Variants in SRGAP2 observed in about 807,000 individuals in gnomAD.
The protein encoded by SRGAP2 is SLIT-ROBO Rho GTPase activating protein 2.
SRGAP2 carries 15 observed loss-of-function variants against 57.2 expected under a neutral mutation model. The observed-to-expected ratio is 0.26, with a 90% CI of 0.18 to 0.40. The LOEUF (loss-of-function observed/expected upper bound fraction) is 0.40, where lower values mean the gene tolerates loss of function less well. SRGAP2 is among the 10% of genes least tolerant of loss of function. The pLI, the probability that SRGAP2 is intolerant of heterozygous loss-of-function variation, is 1.00. For synonymous variants in SRGAP2, 249 were observed against 248.0 expected, an observed-to-expected ratio of 1.00 and a Z score of -0.04; for missense variants, 520 against 669.6, an observed-to-expected ratio of 0.78 and a Z score of 2.47.
intron 2 of SRGAP2, among the ~76,000 whole-genome samples, chr1:206,269,106 TGTG>T (rs1670054297): frequency 6.7e-6 from 1 of 149,910 alleles, no homozygotes; most frequent in Non-Finnish European, 1.5e-5. Flanking sequence ...ATAAACAAAG[TGTG>T]GTGTATTCGT....
At chr1:206,410,104 A>G (rs919843359) in intron 10 of SRGAP2, among the ~76,000 whole-genome samples, 1 of 152,190 alleles carries the variant, frequency 6.6e-6, no homozygotes, top group Admixed American at 6.5e-5. Flanking sequence ...CTCCATCTCA[A>G]TCGATCAATC....
chr1:206,258,169 G>C (rs1333928809), intron 2 of SRGAP2, among the ~76,000 whole-genome samples: 15 of 150,966 alleles, frequency 9.9e-5, no homozygotes, highest in African/African-American at 3.6e-4. Context: ...TCAGGGGTCA[G>C]CAAACTACAG....
chr1:206,398,711 G>A (rs1461285519), intron 7 of SRGAP2, among the ~76,000 whole-genome samples: 1 of 152,084 alleles, frequency 6.6e-6, no homozygotes, highest in East Asian at 1.9e-4. Context: ...TAGTCTGGTT[G>A]GGGTGATATG....
chr1:206,431,683 G>A (rs1661287768), intron 14 of SRGAP2, among the ~76,000 whole-genome samples: 2 of 152,226 alleles, frequency 1.3e-5, no homozygotes, highest in Non-Finnish European at 2.9e-5. Context: ...ATAAGCAAAT[G>A]ACCAATTGAT....
At chr1:206,386,981 C>T (rs1293457983) in intron 5 of SRGAP2, among the ~76,000 whole-genome samples, 1 of 150,652 alleles carries the variant, frequency 6.6e-6, no homozygotes, top group Non-Finnish European at 1.5e-5. Context: ...TAAAAACTAG[C>T]CAGGCATGGT....
intron 2 of SRGAP2, among the ~76,000 whole-genome samples, chr1:206,240,060 T>A (rs1352849988): frequency 6.6e-5 from 10 of 151,754 alleles, no homozygotes; most frequent in Non-Finnish European, 1.3e-4. Context: ...GATCAGGAGT[T>A]CGAGACCAGC....
chr1:206,301,920 C>T (rs1215486923), intron 2 of SRGAP2, among the ~76,000 whole-genome samples: 2 of 149,244 alleles, frequency 1.3e-5, no homozygotes, highest in Admixed American at 6.7e-5. Flanking sequence ...GCTTCAAGAA[C>T]ATTTCAGCAT....
At chr1:206,372,898 CCTTT>C (rs1192198662) in intron 4 of SRGAP2, among the ~76,000 whole-genome samples, 452 of 26,734 alleles carry the variant, frequency 0.017, 40 homozygotes, top group Non-Finnish European at 0.024. Context: ...CTTTCTCTCT[CCTTT>C]CTTTCTTTCT....
chr1:206,396,045 C>T (rs553247547), intron 7 of SRGAP2, among the ~76,000 whole-genome samples: 2 of 143,772 alleles, frequency 1.4e-5, no homozygotes, highest in South Asian at 2.2e-4. Context: ...TACGGTGGTG[C>T]GATCTCGGCT....
chr1:206,257,711 T>C (rs1553312722), intron 2 of SRGAP2, among the ~76,000 whole-genome samples: 3 of 117,698 alleles, frequency 2.5e-5, no homozygotes, highest in African/African-American at 6.1e-5. Flanking sequence ...AGTGGTAGAG[T>C]AGTGTGGTGG....
intron 2 of SRGAP2, among the ~76,000 whole-genome samples, chr1:206,273,279 C>G (rs1166194866): frequency 4.7e-5 from 7 of 149,860 alleles, no homozygotes; most frequent in Admixed American, 4.0e-4. Context: ...GCATTCATCT[C>G]CCAACAAGAG....
rs1553381782 is a variant in SRGAP2 at position 206,463,533 on chromosome 1, C to G, written c.*2113C>G. On this transcript the variant is annotated 3_prime_UTR_variant, in exon 23 of 23. Coordinates refer to ENST00000573034, the MANE Select transcript of SRGAP2 (RefSeq NM_015326.5). The stretch of plus-strand genomic sequence containing the variant: ...ACACTCCCCTCTAAGAAAGTAAAAG[C>G]AAAGCTTTCTTAATGGCAACACTTT... 1 of 152,672 alleles carries G rather than the reference C, an allele frequency of 6.5e-6. No individual in the cohort carries two copies. The highest frequency in any genetic ancestry group is 2.4e-5 in the African/African-American group (1 of 41,444). The allele number at this position is 152,672 out of a possible 1,614,324, so 9.5% of individuals were successfully genotyped here. A position where few individuals can be genotyped will look rare whatever the true frequency, so the allele number is the denominator to read the frequency against.
rs367665520 is a variant in SRGAP2 at position 206,453,528 on chromosome 1, AC to A, written c.2360+156del. ...AGGCTCACACAGTTCCTTGAAGAGC[AC>A]CCCCCCCACCCCCCGCCCCACTCCC... On this transcript the variant is annotated intron_variant, in intron 20 of 22. Coordinates refer to ENST00000573034, the MANE Select transcript of SRGAP2 (RefSeq NM_015326.5). The A allele has an allele frequency of 2.4e-3, 927 of 380,722 alleles. 2 individuals are homozygous for A. The highest frequency in any genetic ancestry group is 9.0e-3 in the Middle Eastern group (14 of 1,548). The allele number at this position is 380,722 out of a possible 1,614,324, so 23.6% of individuals were successfully genotyped here.
At position 206,295,911 on chromosome 1, in the gene SRGAP2, TA is replaced by T. The variant is rs1476219937; in HGVS notation, c.68-7369del. The stretch of plus-strand genomic sequence containing the variant: ...TATATATCTTTTATTTTATTTATTT[TA>T]TTTTTTTGAGATGAGGTCTTGCTAT... On this transcript the variant is annotated intron_variant, in intron 2 of 22. Transcript: ENST00000573034. Among the ~76,000 whole-genome samples the T allele has an allele frequency of 1.8e-4, 27 of 152,032 alleles. 1 individual carries two copies. The South Asian group carries it at 3.7e-3, about 21-fold the overall frequency.
intron 4 of SRGAP2, among the ~76,000 whole-genome samples, chr1:206,383,525 C>T (rs1470985114): frequency 1.3e-5 from 2 of 152,094 alleles, no homozygotes; most frequent in African/African-American, 4.8e-5. Context: ...AGAAATAAAG[C>T]AAGTAAGAAA....
Position 206,369,663 on chromosome 1 carries a change from T to G in SRGAP2, c.424-14351T>G, listed in dbSNP as rs537421897. On this transcript the variant is annotated intron_variant, in intron 4 of 22. Transcript: ENST00000573034. Reference sequence around the variant, plus strand: ...AGCACATTTTTGACACTGTTATTTATTGGGCTACTGCAAATCAAAACCACA... The same window carrying G: ...AGCACATTTTTGACACTGTTATTTAGTGGGCTACTGCAAATCAAAACCACA... Among the ~76,000 whole-genome samples, 391 of 152,084 alleles carry G rather than the reference T, an allele frequency of 2.6e-3. 2 individuals carry two copies. Among genetic ancestry groups the G allele is most frequent in the African/African-American group, 8.6e-3 (356 of 41,462 alleles).
At position 206,453,384 on chromosome 1, in the gene SRGAP2, C is replaced by T. The variant is rs782629902; in HGVS notation, c.2360+4C>T. The T allele has an allele frequency of 6.1e-6, 4 of 658,672 alleles. No homozygotes were observed. Among genetic ancestry groups the T allele is most frequent in the African/African-American group, 3.7e-5 (2 of 54,084 alleles). The allele number at this position is 658,672 out of a possible 1,614,324, so 40.8% of individuals were successfully genotyped here. On this transcript the variant is annotated splice_donor_region_variant and intron_variant, in intron 20 of 22. Coordinates refer to ENST00000573034, the MANE Select transcript of SRGAP2 (RefSeq NM_015326.5). The stretch of plus-strand genomic sequence containing the variant: ...AGTACATCGTGGTCCAAGACACGTA[C>T]GTTGGGCCCATGGCATCTTTGGGGG...
intron 4 of SRGAP2, among the ~76,000 whole-genome samples, chr1:206,366,355 A>G (rs1252762558): frequency 2.6e-5 from 4 of 152,232 alleles, no homozygotes; most frequent in Admixed American, 6.5e-5. Flanking sequence ...ATTAGTGTCA[A>G]GGGGGGTGGA....
intron 10 of SRGAP2, among the ~76,000 whole-genome samples, chr1:206,412,565 A>G (rs1246889468): frequency 6.6e-6 from 1 of 152,234 alleles, no homozygotes; most frequent in Non-Finnish European, 1.5e-5. Flanking sequence ...AACATGCCCT[A>G]AGTAAGGAGA....
Sources: gnomAD v4.1 joint callset for allele counts (sites outside exome capture counted in the v4.1 genomes callset) on GRCh38, gnomAD v4.1.1 for gene constraint, MANE v1.5 for transcripts, NCBI Gene and HGNC (gene_info 2026-07-23, HGNC 2026-07-21) for gene names.